NPR3: variants seen among roughly 807,000 people sequenced by gnomAD.
The protein encoded by NPR3 is atrial natriuretic peptide receptor 3.
NPR3 carries 34 observed loss-of-function variants against 54.5 expected under a neutral mutation model. The ratio of observed to expected loss-of-function variants is 0.62; its 90% CI spans 0.47 to 0.83. The LOEUF (loss-of-function observed/expected upper bound fraction) is 0.83, where lower values mean the gene tolerates loss of function less well. Among genes scored for constraint, NPR3 ranks in the 40% least tolerant of loss-of-function variants. NPR3 has a pLI of 0.00. For synonymous variants in NPR3, 289 were observed against 297.1 expected (o/e 0.97, Z 0.28); for missense variants, 674 against 720.8 (o/e 0.94, Z 0.74).
chr5:32,783,034 T>C lies in NPR3; in HGVS notation c.1426+6T>C. The C allele has an allele frequency of 6.3e-7, 1 of 1,594,272 alleles. No individual in the cohort carries two copies. Among genetic ancestry groups the C allele is most frequent in the East Asian group, 2.3e-5 (1 of 44,436 alleles). ...CAGCTCTCCCTGCAAATCATGTAAG[T>C]CTGGAGACTTAATTTGCTATGTATG... On this transcript the variant is annotated splice_donor_region_variant and intron_variant, in intron 6 of 7. Transcript: ENST00000265074.
At chr5:32,702,607 CT>C (rs1298583000) in intron 1 of NPR3, among the ~76,000 whole-genome samples, 1 of 152,046 alleles carries the variant, frequency 6.6e-6, no homozygotes, top group Admixed American at 6.6e-5. Context: ...TTTTTTATGG[CT>C]GCATAGTATT....
At chr5:32,695,589 A>C (rs978847490) in intron 1 of NPR3, among the ~76,000 whole-genome samples, 6 of 152,170 alleles carry the variant, frequency 3.9e-5, no homozygotes, top group South Asian at 4.1e-4. Context: ...GTTTTTGAGG[A>C]ACCTCCAACC....
intron 3 of NPR3, among the ~76,000 whole-genome samples, chr5:32,767,676 T>C (rs7713015): frequency 0.31 from 46,916 of 151,956 alleles, 7,805 homozygotes; most frequent in African/African-American, 0.44. Flanking sequence ...GATCTTAGCT[T>C]AGTCCTCACC....
chr5:32,755,155 C>G (rs540295490), intron 3 of NPR3, among the ~76,000 whole-genome samples: 1 of 152,226 alleles, frequency 6.6e-6, no homozygotes, highest in Non-Finnish European at 1.5e-5. Flanking sequence ...CCACCGCGCC[C>G]GGCCAAGAGA....
rs539752235 is a variant in NPR3 at position 32,713,123 on chromosome 5, C to G, written c.769+578C>G. On this transcript the variant is annotated intron_variant, in intron 1 of 7. Transcript: ENST00000265074. ...CTCATTCCTTTCATTTCCCTTCCAG[C>G]CCCTTATAAACGAGCTTCTGTGGTT... 285 of 965,618 alleles carry G rather than the reference C, an allele frequency of 3.0e-4. 3 individuals are homozygous for G. The African/African-American group carries it at 4.8e-3, about 16-fold the overall frequency. 59.8% of individuals were successfully genotyped at this position (965,618 alleles called of 1,614,324 possible). A position where few individuals can be genotyped will look rare whatever the true frequency, so the allele number is the denominator to read the frequency against.
At chr5:32,698,023 C>T (rs1164332836) in intron 1 of NPR3, among the ~76,000 whole-genome samples, 1 of 151,756 alleles carries the variant, frequency 6.6e-6, no homozygotes, top group African/African-American at 2.4e-5. Flanking sequence ...TTTTCTTCTA[C>T]CAATTTTGGG....
intron 3 of NPR3, among the ~76,000 whole-genome samples, chr5:32,764,262 AC>A (rs922953364): frequency 6.6e-6 from 1 of 151,670 alleles, no homozygotes; most frequent in African/African-American, 2.4e-5. Flanking sequence ...CCCAGGAATT[AC>A]CCCCTTGATA....
chr5:32,772,887 G>A (rs1741844404), intron 3 of NPR3, among the ~76,000 whole-genome samples: 1 of 152,172 alleles, frequency 6.6e-6, no homozygotes, highest in Admixed American at 6.5e-5. Context: ...ACTGGAAAGG[G>A]GGGGCGAGGA....
rs533033194 is a variant in NPR3 at position 32,786,531 on chromosome 5, T to C, written c.*186T>C. 7 of 590,720 alleles carry C rather than the reference T, an allele frequency of 1.2e-5. No individual in the cohort carries two copies. The highest frequency in any genetic ancestry group is 7.6e-5 in the African/African-American group (4 of 52,364). The allele number at this position is 590,720 out of a possible 1,614,324, so 36.6% of individuals were successfully genotyped here. ...TTAATCACCATCTGCCTCCAGGCCT[T>C]TCATCTCATGACAAACAAATATAAT... On this transcript the variant is annotated 3_prime_UTR_variant, in exon 8 of 8. Coordinates refer to ENST00000265074, the MANE Select transcript of NPR3 (RefSeq NM_001204375.2).
upstream of NPR3, chr5:32,709,547 C>T (rs3762988): frequency 0.43 from 65,401 of 151,788 alleles, 15,344 homozygotes; most frequent in African/African-American, 0.61. Context: ...AAATTTTATA[C>T]AGATGTCTCT....
chr5:32,702,874 A>C (rs1737864211), intron 1 of NPR3, among the ~76,000 whole-genome samples: 1 of 152,158 alleles, frequency 6.6e-6, no homozygotes, highest in Non-Finnish European at 1.5e-5. Context: ...TTACAGTCCC[A>C]CCAACAATGT....
At chr5:32,756,878 T>G (rs558091131) in intron 3 of NPR3, among the ~76,000 whole-genome samples, 1 of 152,336 alleles carries the variant, frequency 6.6e-6, no homozygotes, top group East Asian at 1.9e-4. Context: ...CCCCATTTCT[T>G]GTTTTTGTCA....
chr5:32,696,440 C>T (rs1210001538), intron 1 of NPR3, among the ~76,000 whole-genome samples: 1 of 150,734 alleles, frequency 6.6e-6, no homozygotes, highest in African/African-American at 2.5e-5. Flanking sequence ...GTGATTCTTC[C>T]AGCTTTTTTT....
chr5:32,694,391 A>G (rs1002800525), intron 1 of NPR3, among the ~76,000 whole-genome samples: 2 of 152,220 alleles, frequency 1.3e-5, no homozygotes, highest in Non-Finnish European at 2.9e-5. Flanking sequence ...TTGAACACTT[A>G]CTTGGTGTAA....
At chr5:32,698,710 C>T (rs1407701630) in intron 1 of NPR3, among the ~76,000 whole-genome samples, 3 of 152,070 alleles carry the variant, frequency 2.0e-5, no homozygotes, top group African/African-American at 7.2e-5. Context: ...GACTTGACCC[C>T]TTTATCATTA....
chr5:32,786,233 G>A lies in NPR3; in HGVS notation c.1515-1G>A, dbSNP rs1742610277. ...ACCACATTCACTTTCCCTTTACCCA[G>A]GAAGAAATACAGAATAACCATTGAG... On this transcript the variant is annotated splice_acceptor_variant, in intron 7 of 7. Coordinates refer to ENST00000265074, the MANE Select transcript of NPR3 (RefSeq NM_001204375.2). LOFTEE classifies it high-confidence loss of function. 1 of 1,319,728 alleles carries A rather than the reference G, an allele frequency of 7.6e-7. No individual in the cohort carries two copies. Among genetic ancestry groups the A allele is most frequent in the Non-Finnish European group, 1.1e-6 (1 of 932,382 alleles). The allele number at this position is 1,319,728 out of a possible 1,614,324, so 81.8% of individuals were successfully genotyped here.
intron 1 of NPR3, among the ~76,000 whole-genome samples, chr5:32,721,054 T>C (rs1218602918): frequency 6.6e-6 from 1 of 152,236 alleles, no homozygotes; most frequent in Non-Finnish European, 1.5e-5. Flanking sequence ...CAATTAGGCA[T>C]GAGTGAGACA....
chr5:32,789,014 G>C lies in NPR3; in HGVS notation c.*2669G>C. Reference sequence around the variant, plus strand: ...TATTTGGGGATTTACGTTCCTAACTGCTAAGCAACATCTTTGACAACTAGT... The same window carrying C: ...TATTTGGGGATTTACGTTCCTAACTCCTAAGCAACATCTTTGACAACTAGT... On this transcript the variant is annotated 3_prime_UTR_variant, in exon 8 of 8. Transcript: ENST00000265074. The C allele has an allele frequency of 6.4e-6, 1 of 155,380 alleles. No homozygotes were observed. Among genetic ancestry groups the C allele is most frequent in the Admixed American group, 6.3e-5 (1 of 15,990 alleles). The allele number at this position is 155,380 out of a possible 1,614,324, so 9.6% of individuals were successfully genotyped here. A position where few individuals can be genotyped will look rare whatever the true frequency, so the allele number is the denominator to read the frequency against.
In NPR3 at chr5:32,788,419, A is replaced by T; in HGVS notation, c.*2074A>T. On this transcript the variant is annotated 3_prime_UTR_variant, in exon 8 of 8. Coordinates refer to ENST00000265074, the MANE Select transcript of NPR3 (RefSeq NM_001204375.2). Reference sequence around the variant, plus strand: ...AGCAAGGAAGGATTGTGTCCATCTTACTTACTTGAATTGGAGAGCTTGTTT... The same window carrying T: ...AGCAAGGAAGGATTGTGTCCATCTTTCTTACTTGAATTGGAGAGCTTGTTT... 6.6e-6 allele frequency: 1 copy of T among 152,202 alleles called. No individual in the cohort carries two copies. The highest frequency in any genetic ancestry group is 1.9e-4 in the East Asian group (1 of 5,196). The allele number at this position is 152,202 out of a possible 1,614,324, so 9.4% of individuals were successfully genotyped here.
Sources: gnomAD v4.1 joint callset for allele counts (sites outside exome capture counted in the v4.1 genomes callset) on GRCh38, gnomAD v4.1.1 for gene constraint, MANE v1.5 for transcripts, NCBI Gene and HGNC (gene_info 2026-07-23, HGNC 2026-07-21) for gene names.